Variants in SPTLC1 observed in about 807,000 individuals in gnomAD.
The protein encoded by SPTLC1 is serine palmitoyltransferase long chain base subunit 1.
A neutral mutation model predicts 68.9 loss-of-function variants in SPTLC1; 55 were observed. The observed-to-expected ratio is 0.80, with a 90% CI of 0.64 to 1.00. The LOEUF (loss-of-function observed/expected upper bound fraction) is 1.00, where lower values mean the gene tolerates loss of function less well. Among genes scored for constraint, SPTLC1 ranks in the 50% least tolerant of loss-of-function variants. The pLI is 0.00. For missense variants in SPTLC1, 449 were observed against 573.1 expected (o/e 0.78, Z 2.21); for synonymous variants, 197 against 201.6 (o/e 0.98, Z 0.19).
intron 5 of SPTLC1, among the ~76,000 whole-genome samples, chr9:92,072,148 C>T (rs540098038): frequency 1.1e-4 from 16 of 152,206 alleles, no homozygotes; most frequent in South Asian, 4.1e-4. Flanking sequence ...GCCGAAAGCC[C>T]GGGATAGGGG....
intron 3 of SPTLC1, among the ~76,000 whole-genome samples, chr9:92,091,487 C>T (rs1012400204): frequency 6.6e-6 from 1 of 152,140 alleles, no homozygotes; most frequent in African/African-American, 2.4e-5. Context: ...AATAAAACTG[C>T]TGCATGGGGT....
At position 92,098,270 on chromosome 9, in the gene SPTLC1, C is replaced by A. The variant is rs907157876; in HGVS notation, c.260+10470G>T. ...CGCGCATGCCCACTAGGGCGTGTCA[C>A]ACTCAGAAGCACGAAACTCAACCTA... On this transcript the variant is annotated intron_variant, in intron 3 of 14. Coordinates refer to ENST00000262554, the MANE Select transcript of SPTLC1 (RefSeq NM_006415.4). 7.2e-4 allele frequency among the ~76,000 whole-genome samples: 109 copies of A among 152,286 alleles called. 2 individuals are homozygous for A. Among genetic ancestry groups the A allele is most frequent in the Non-Finnish European group, 4.6e-4 (31 of 68,022 alleles).
chr9:92,082,500 T>C (rs1008819796), intron 3 of SPTLC1, among the ~76,000 whole-genome samples: 3 of 150,492 alleles, frequency 2.0e-5, no homozygotes, highest in Non-Finnish European at 3.0e-5. Context: ...TTTGGTTTTT[T>C]GTCCTTGCGA....
Position 92,109,291 on chromosome 9 carries a change from G to A in SPTLC1, c.166-457C>T, listed in dbSNP as rs188041940. The A allele has an allele frequency of 1.2e-3, 216 of 176,348 alleles. 1 individual carries two copies. The highest frequency in any genetic ancestry group is 3.8e-3 in the African/African-American group (160 of 42,252). 10.9% of individuals were successfully genotyped at this position (176,348 alleles called of 1,614,324 possible). A position where few individuals can be genotyped will look rare whatever the true frequency, so the allele number is the denominator to read the frequency against. On this transcript the variant is annotated intron_variant, in intron 2 of 14. Transcript: ENST00000262554. ...TATTATCTCAGAAGTATCCTTCTTC[G>A]CCGGTTTTTTCTGGGCATGCTATCA...
chr9:92,034,908 T>C, intron 13 of SPTLC1, 25 bp from the exon 14 acceptor site: 3 of 1,595,748 alleles, frequency 1.9e-6, no homozygotes, highest in Non-Finnish European at 2.6e-6. Flanking sequence ...AGAAGACATC[T>C]GCAACCTGGA....
chr9:92,044,222 AAGAAGGTAATG>A (rs1331792691), intron 12 of SPTLC1, among the ~76,000 whole-genome samples: 1 of 152,210 alleles, frequency 6.6e-6, no homozygotes, highest in Non-Finnish European at 1.5e-5. Flanking sequence ...GCAATTCTTC[AAGAAGGTAATG>A]AGAAGAAAAG....
chr9:92,037,230 G>GAGGCTCAGGACAGGGCCTGGCCTAGGAA (rs1746753363), intron 13 of SPTLC1, among the ~76,000 whole-genome samples: 3 of 152,218 alleles, frequency 2.0e-5, no homozygotes, highest in African/African-American at 7.2e-5. Context: ...CTAGGCGGAT[G>GAGGCTCAGGACAGGGCCTGGCCTAGGAA]AGGCTCAGGA....
At chr9:92,111,002 C>G (rs549695553) in intron 2 of SPTLC1, 1 of 152,228 alleles carries the variant, frequency 6.6e-6, no homozygotes, top group South Asian at 2.1e-4. Flanking sequence ...AACAATAATT[C>G]ATCTAACTTC....
At chr9:92,104,884 TGC>T in intron 3 of SPTLC1, 3 of 1,533,812 alleles carry the variant, frequency 2.0e-6, no homozygotes, top group Non-Finnish European at 1.7e-6. Flanking sequence ...CCCAGGTGCA[TGC>T]AGTGAGTTTC....
chr9:92,049,436 T>C (rs896321774), intron 9 of SPTLC1, among the ~76,000 whole-genome samples: 2 of 152,106 alleles, frequency 1.3e-5, no homozygotes, highest in African/African-American at 4.8e-5. Context: ...CTCATTCTGT[T>C]TGGGACTTTA....
intron 3 of SPTLC1, among the ~76,000 whole-genome samples, chr9:92,097,058 G>C (rs1312907104): frequency 6.6e-6 from 1 of 152,156 alleles, no homozygotes; most frequent in Non-Finnish European, 1.5e-5. Flanking sequence ...TGGCCAATAA[G>C]CCGATGAAAA....
chr9:92,065,777 C>T (rs1834256846), intron 6 of SPTLC1, among the ~76,000 whole-genome samples: 1 of 152,044 alleles, frequency 6.6e-6, no homozygotes, highest in Admixed American at 6.5e-5. Flanking sequence ...TAAAAATATT[C>T]ATTTTTATGG....
chr9:92,106,546 C>A (rs953961965), intron 3 of SPTLC1, among the ~76,000 whole-genome samples: 1 of 151,960 alleles, frequency 6.6e-6, no homozygotes, highest in Non-Finnish European at 1.5e-5. Context: ...GTCTCCACAC[C>A]TGCTGAGACT....
At chr9:92,077,110 T>G (rs1208717224) in intron 5 of SPTLC1, 3 of 152,186 alleles carry the variant, frequency 2.0e-5, no homozygotes, top group Non-Finnish European at 4.4e-5. Flanking sequence ...TAAAAAAGAC[T>G]GGACCACTCT....
chr9:92,090,047 C>G (rs1273913928), intron 3 of SPTLC1, among the ~76,000 whole-genome samples: 3 of 152,114 alleles, frequency 2.0e-5, no homozygotes, highest in Non-Finnish European at 2.9e-5. Flanking sequence ...CTCTGAATCT[C>G]TACATAACAA....
chr9:92,050,018 A>G lies in SPTLC1; in HGVS notation c.830T>C (p.Leu277Pro). Reference sequence around the variant, plus strand: ...ATGCTCTCCTAGGACTCCAAATGAAAGGCTTTCCTCCAGGAAGATTCTTGC... The same window carrying G: ...ATGCTCTCCTAGGACTCCAAATGAAGGGCTTTCCTCCAGGAAGATTCTTGC... The part of the protein sequence containing the change: ...YKARIFLEES[L>P]SFGVLGEHGR... The change falls in exon 9 of 15, where the codon CTT (leucine) becomes CCT (proline). Residue 277 changes from leucine to proline, a missense_variant. Physicochemically the swap from Leu to Pro is moderately conservative, Grantham distance 98 (BLOSUM62 -3). Around this residue, in one of 3 missense-constraint regions of SPTLC1, gnomAD observed 391 missense variants for 472.1 expected, o/e 0.83. Coordinates refer to ENST00000262554, the MANE Select transcript of SPTLC1 (RefSeq NM_006415.4). The G allele has an allele frequency of 6.2e-7, 1 of 1,614,042 alleles. No individual in the cohort carries two copies. Among genetic ancestry groups the G allele is most frequent in the Non-Finnish European group, 8.5e-7 (1 of 1,179,906 alleles).
intron 13 of SPTLC1, among the ~76,000 whole-genome samples, chr9:92,037,123 G>T (rs1236418601): frequency 1.3e-5 from 2 of 152,226 alleles, no homozygotes; most frequent in African/African-American, 4.8e-5. Flanking sequence ...TTGGGACATA[G>T]GACAGCTGAA....
At chr9:92,071,725 G>A (rs563134115) in intron 5 of SPTLC1, among the ~76,000 whole-genome samples, 42 of 152,236 alleles carry the variant, frequency 2.8e-4, no homozygotes, top group African/African-American at 9.6e-4. Flanking sequence ...TGACCCACAC[G>A]TACACATCCA....
At chr9:92,036,307 C>G (rs991642338) in intron 13 of SPTLC1, among the ~76,000 whole-genome samples, 7 of 152,220 alleles carry the variant, frequency 4.6e-5, no homozygotes, top group African/African-American at 1.7e-4. Flanking sequence ...TTCGTTTCCT[C>G]TTTCATTACG....
Sources: gnomAD v4.1 joint callset for allele counts (sites outside exome capture counted in the v4.1 genomes callset) on GRCh38, gnomAD v4.1.1 for gene constraint, gnomAD v4.1.1 regional missense constraint, MANE v1.5 for transcripts, NCBI Gene and HGNC (gene_info 2026-07-23, HGNC 2026-07-21) for gene names.